Variants in TRAPPC12 observed in about 807,000 individuals in gnomAD.
The protein encoded by TRAPPC12 is TPR repeat protein 15.
TRAPPC12 carries 61 observed loss-of-function variants against 69.2 expected under a neutral mutation model. The observed-to-expected ratio is 0.88, with a 90% CI of 0.72 to 1.09. The LOEUF (loss-of-function observed/expected upper bound fraction) is 1.09. Ranked by LOEUF, TRAPPC12 falls within the 50% of genes least tolerant of loss-of-function variation. The pLI, the probability that TRAPPC12 is intolerant of heterozygous loss-of-function variation, is 0.00. For missense variants in TRAPPC12, 1,101 were observed against 1,016.4 expected, an observed-to-expected ratio of 1.08 and a Z score of -1.13; for synonymous variants, 469 against 438.9, an observed-to-expected ratio of 1.07 and a Z score of -0.86.
chr2:3,385,010 A>G (rs1660429764), intron 1 of TRAPPC12, among the ~76,000 whole-genome samples: 1 of 152,198 alleles, frequency 6.6e-6, no homozygotes, highest in African/African-American at 2.4e-5. Context: ...ATAAGATTAG[A>G]GTAAGGAAAC....
Position 3,388,806 on chromosome 2 carries a change from T to C in TRAPPC12, c.1047+136T>C, listed in dbSNP as rs1660659622. On this transcript the variant is annotated intron_variant, in intron 2 of 11. Transcript: ENST00000324266. ...CCTAACATCCCATTGTGAGCGCCTGTGTTCCTCTGTCCCTGGGTAATTAGG... is the reference window on the plus strand; with the variant it reads ...CCTAACATCCCATTGTGAGCGCCTGCGTTCCTCTGTCCCTGGGTAATTAGG... The C allele has an allele frequency of 4.5e-6, 4 of 889,766 alleles. 1 individual carries two copies. In the South Asian group the frequency reaches 7.9e-5, roughly 18 times the overall value. 55.1% of individuals were successfully genotyped at this position (889,766 alleles called of 1,614,324 possible).
chr2:3,411,408 CTT>C (rs749451773), intron 3 of TRAPPC12, among the ~76,000 whole-genome samples: 9 of 152,116 alleles, frequency 5.9e-5, no homozygotes, highest in Non-Finnish European at 1.0e-4. Context: ...TCACAAAACT[CTT>C]TTTTCCTCCC....
At chr2:3,442,338 C>T (rs1372848060) in intron 5 of TRAPPC12, among the ~76,000 whole-genome samples, 2 of 152,080 alleles carry the variant, frequency 1.3e-5, no homozygotes, top group Non-Finnish European at 2.9e-5. Context: ...TGATTCTGGC[C>T]CCTTCTCTAC....
chr2:3,441,377 T>C (rs193123803), intron 5 of TRAPPC12, among the ~76,000 whole-genome samples: 2 of 152,256 alleles, frequency 1.3e-5, no homozygotes, highest in Admixed American at 1.3e-4. Context: ...TGTATGGACA[T>C]AGAGCTGTTC....
rs377076736 is a variant in TRAPPC12 at position 3,479,505 on chromosome 2, C to T, written c.*44C>T. On this transcript the variant is annotated 3_prime_UTR_variant, in exon 12 of 12. Transcript: ENST00000324266. Reference sequence around the variant, plus strand: ...GTCAGAAGGACCCGGGTCTTTGAAACTGTGTCTTGAAGCTAATGTATTAAT... The same window carrying T: ...GTCAGAAGGACCCGGGTCTTTGAAATTGTGTCTTGAAGCTAATGTATTAAT... 37 of 1,602,826 alleles carry T rather than the reference C, an allele frequency of 2.3e-5. No homozygotes were observed. The highest frequency in any genetic ancestry group is 3.1e-5 in the Non-Finnish European group (36 of 1,174,296).
chr2:3,453,211 G>A (rs1054778075), intron 6 of TRAPPC12, among the ~76,000 whole-genome samples: 2 of 152,058 alleles, frequency 1.3e-5, no homozygotes, highest in African/African-American at 4.8e-5. Flanking sequence ...ACCATCCTGC[G>A]CCCCCATCTG....
Position 3,466,286 on chromosome 2 carries a change from C to T in TRAPPC12, c.1776+591C>T, listed in dbSNP as rs756287805. 3.0e-5 allele frequency: 14 copies of T among 471,106 alleles called. No homozygotes were observed. The East Asian group carries it at 8.3e-4, about 28-fold the overall frequency. 29.2% of individuals were successfully genotyped at this position (471,106 alleles called of 1,614,324 possible). A position where few individuals can be genotyped will look rare whatever the true frequency, so the allele number is the denominator to read the frequency against. ...ACAGGGCAGCTTCTGCCCCTCTCAC[C>T]CTCAGTCTTAGGTCACGTCCCAAAC... On this transcript the variant is annotated intron_variant, in intron 9 of 11. Transcript: ENST00000324266.
At position 3,409,036 on chromosome 2, in the gene TRAPPC12, C is replaced by T. The variant is rs182729501; in HGVS notation, c.1164+7143C>T. 2.1e-3 allele frequency among the ~76,000 whole-genome samples: 313 copies of T among 152,334 alleles called. 6 individuals carry two copies. Among genetic ancestry groups the T allele is most frequent in the African/African-American group, 7.3e-3 (302 of 41,574 alleles). ...GGGGCAGTCTCCTGGCGGCTGTGAT[C>T]CTCTTCCTGAGGCTGCCACAGCTGT... is the stretch of plus-strand genomic sequence containing the variant. On this transcript the variant is annotated intron_variant, in intron 3 of 11. Transcript: ENST00000324266.
intron 9 of TRAPPC12, among the ~76,000 whole-genome samples, chr2:3,474,184 G>A (rs1005022150): frequency 8.5e-5 from 13 of 152,176 alleles, no homozygotes; most frequent in Admixed American, 8.5e-4. Context: ...CTCTCTAGAG[G>A]GACAGGACTC....
intron 9 of TRAPPC12, among the ~76,000 whole-genome samples, chr2:3,468,817 T>TCCTGCTGGCGCAC (rs1665938104): frequency 6.6e-6 from 1 of 152,078 alleles, no homozygotes; most frequent in Admixed American, 6.5e-5. Context: ...GCCTCAGAGC[T>TCCTGCTGGCGCAC]CCTGCTGGCG....
rs35407737 is a variant in TRAPPC12 at position 3,465,641 on chromosome 2, T to C, written c.1722T>C (p.Tyr574=). 0.024 allele frequency: 39,532 copies of C among 1,614,016 alleles called. 616 individuals are homozygous for C. Among genetic ancestry groups the C allele is most frequent in the Non-Finnish European group, 0.029 (34,401 of 1,179,860 alleles). Residue 574 remains tyrosine, a synonymous_variant, in exon 9 of 12, where the codon TAT becomes TAC. Coordinates refer to ENST00000324266, the MANE Select transcript of TRAPPC12 (RefSeq NM_016030.6). ...AVEAYHSVIK[Y]YPEQEPQLLS... ...AGGCGTATCATTCGGTTATCAAGTATTACCCAGAGCAAGAGCCCCAGCTGC... is the reference window on the plus strand; with the variant it reads ...AGGCGTATCATTCGGTTATCAAGTACTACCCAGAGCAAGAGCCCCAGCTGC...
intron 1 of TRAPPC12, among the ~76,000 whole-genome samples, chr2:3,381,569 AAAT>A (rs1172252499): frequency 6.6e-6 from 1 of 152,238 alleles, no homozygotes; most frequent in Non-Finnish European, 1.5e-5. Flanking sequence ...AGTTTAATAA[AAAT>A]AAAGCCAATG....
At chr2:3,406,013 G>A (rs1316190875) in intron 3 of TRAPPC12, among the ~76,000 whole-genome samples, 2 of 152,168 alleles carry the variant, frequency 1.3e-5, no homozygotes, top group African/African-American at 2.4e-5. Context: ...GAGAGCTCCA[G>A]CATGAATCCC....
chr2:3,388,296 G>A lies in TRAPPC12; in HGVS notation c.673G>A (p.Asp225Asn). ...ASHSLASDFF[D>N]SFTTSAFISV... ...CCACTCCTTGGCCTCGGACTTCTTC[G>A]ACTCCTTTACTACCTCCGCCTTCAT... is the stretch of plus-strand genomic sequence containing the variant. The change falls in exon 2 of 12, where the codon GAC (aspartate) becomes AAC (asparagine). Residue 225 changes from aspartate (D) to asparagine (N), a missense_variant. Coordinates refer to ENST00000324266, the MANE Select transcript of TRAPPC12 (RefSeq NM_016030.6). 2 of 1,607,594 alleles carry A rather than the reference G, an allele frequency of 1.2e-6. No homozygotes were observed. Among genetic ancestry groups the A allele is most frequent in the South Asian group, 1.1e-5 (1 of 90,502 alleles).
At chr2:3,415,893 T>G (rs1662356959) in intron 3 of TRAPPC12, among the ~76,000 whole-genome samples, 1 of 151,566 alleles carries the variant, frequency 6.6e-6, no homozygotes, top group Non-Finnish European at 1.5e-5. Flanking sequence ...ATTTTTTGTA[T>G]TTTTAGTAGA....
chr2:3,388,732 C>A, intron 2 of TRAPPC12, 62 bp downstream of exon 2: 1 of 1,409,848 alleles, frequency 7.1e-7, no homozygotes, highest in South Asian at 1.4e-5. Flanking sequence ...GAGATACGCA[C>A]AGTGCCCCTT....
At chr2:3,470,671 A>G (rs1319820904) in intron 9 of TRAPPC12, among the ~76,000 whole-genome samples, 1 of 152,234 alleles carries the variant, frequency 6.6e-6, no homozygotes, top group East Asian at 1.9e-4. Context: ...TGTGTGTAGC[A>G]GAGTCTGAGA....
intron 2 of TRAPPC12, among the ~76,000 whole-genome samples, chr2:3,401,215 T>C (rs1558351193): frequency 6.6e-6 from 1 of 152,230 alleles, no homozygotes; most frequent in Non-Finnish European, 1.5e-5. Flanking sequence ...GCTGGTGACC[T>C]CAGCACTGAA....
intron 2 of TRAPPC12, among the ~76,000 whole-genome samples, chr2:3,393,454 T>C (rs1660943218): frequency 6.6e-6 from 1 of 152,178 alleles, no homozygotes; most frequent in Non-Finnish European, 1.5e-5. Flanking sequence ...TACTGCGTTG[T>C]TTACTTGAAA....
Sources: gnomAD v4.1 joint callset for allele counts (sites outside exome capture counted in the v4.1 genomes callset) on GRCh38, gnomAD v4.1.1 for gene constraint, MANE v1.5 for transcripts, NCBI Gene and HGNC (gene_info 2026-07-23, HGNC 2026-07-21) for gene names.